The following ZNF236 variants were observed in gnomAD, a reference collection of about 807,000 sequenced individuals.
ZNF236 encodes zinc finger protein 236, also known as regulated by glucose.
A neutral mutation model predicts 191.2 loss-of-function variants in ZNF236; 50 were observed. The observed-to-expected ratio is 0.26, with a 90% CI of 0.21 to 0.33. ZNF236 has a LOEUF of 0.33. Among genes scored for constraint, ZNF236 ranks in the 10% least tolerant of loss-of-function variants. ZNF236 has a pLI of 1.00. For missense variants in ZNF236, 1,754 were observed against 2,374.5 expected (o/e 0.74, Z 5.43); for synonymous variants, 907 against 928.8 (o/e 0.98, Z 0.43).
intron 25 of ZNF236, among the ~76,000 whole-genome samples, chr18:76,928,940 C>T (rs962994908): frequency 6.0e-5 from 9 of 150,666 alleles, no homozygotes; most frequent in Non-Finnish European, 1.2e-4. Context: ...AGACTCGTAA[C>T]CTGATGATGA....
intron 11 of ZNF236, among the ~76,000 whole-genome samples, chr18:76,902,519 A>G (rs989387055): frequency 6.6e-6 from 1 of 152,112 alleles, no homozygotes; most frequent in African/African-American, 2.4e-5. Context: ...TGCATGTCTC[A>G]GCATGTGTAG....
At chr18:76,896,450 A>G (rs1977415634) in intron 10 of ZNF236, among the ~76,000 whole-genome samples, 1 of 150,646 alleles carries the variant, frequency 6.6e-6, no homozygotes, top group African/African-American at 2.4e-5. Flanking sequence ...AAATACAGGT[A>G]CCACACACAG....
rs765085420 is a variant in ZNF236, at chr18:76,895,058, A to G, written c.1463A>G (p.Tyr488Cys). ...ENGVRWHVCP[Y>C]CAKEFRKPSD... ...GGCGTGCGCTGGCATGTGTGTCCCT[A>G]CTGCGCCAAGGAGTTCCGCAAGCCC... Residue 488 changes from tyrosine to cysteine, a missense_variant, in exon 10 of 31, where the codon TAC becomes TGC. By Grantham distance (194) the Tyr-to-Cys change is radical. This residue lies in a region of ZNF236 where 126 missense variants were observed against 110.9 expected (regional missense o/e 1.14). Coordinates refer to ENST00000320610, the MANE Select transcript of ZNF236 (RefSeq NM_001306089.2). 2.5e-6 allele frequency: 4 copies of G among 1,611,620 alleles called. No homozygotes were observed. Among genetic ancestry groups the G allele is most frequent in the South Asian group, 1.1e-5 (1 of 91,086 alleles).
intron 9 of ZNF236, among the ~76,000 whole-genome samples, chr18:76,884,695 C>T (rs993987335): frequency 2.6e-5 from 4 of 152,150 alleles, no homozygotes; most frequent in Admixed American, 6.5e-5. Context: ...TTTCAGTCCA[C>T]GGGCTCCAGG....
At chr18:76,904,984 A>C (rs1016568994) in intron 12 of ZNF236, among the ~76,000 whole-genome samples, 171 bp from the exon 13 acceptor site, 1 of 152,158 alleles carries the variant, frequency 6.6e-6, no homozygotes, top group Non-Finnish European at 1.5e-5. Flanking sequence ...TCGCTTAAGC[A>C]CTCTGAGTCT....
intron 11 of ZNF236, among the ~76,000 whole-genome samples, chr18:76,900,827 T>A (rs1340113832): frequency 1.3e-5 from 2 of 152,206 alleles, no homozygotes; most frequent in Non-Finnish European, 2.9e-5. Context: ...CTTTTTGTCA[T>A]CAGGGATTGG....
chr18:76,836,580 A>G (rs572415263), intron 1 of ZNF236, among the ~76,000 whole-genome samples: 38 of 149,540 alleles, frequency 2.5e-4, no homozygotes, highest in Non-Finnish European at 4.5e-4. Flanking sequence ...TTTATTTATT[A>G]TTATTATTAT....
At chr18:76,874,336 AG>A (rs1171816960) in intron 5 of ZNF236, among the ~76,000 whole-genome samples, 33 of 152,240 alleles carry the variant, frequency 2.2e-4, no homozygotes, top group Non-Finnish European at 1.5e-5. Flanking sequence ...TCTGTTTCTT[AG>A]GGAGTGAAAA....
rs372322884 is a variant in ZNF236, at chr18:76,884,224, A to AC, written c.1417+2716dup. On this transcript the variant is annotated intron_variant, in intron 9 of 30. Coordinates refer to ENST00000320610, the MANE Select transcript of ZNF236 (RefSeq NM_001306089.2). ...AGACCAGCCTGGACAACATGGTGAA[A>AC]CCCCGTCTCTATTAAAAATACAAAA... 8.4e-4 allele frequency among the ~76,000 whole-genome samples: 128 copies of AC among 151,840 alleles called. 1 individual carries two copies. Among genetic ancestry groups the AC allele is most frequent in the South Asian group, 6.0e-3 (29 of 4,796 alleles).
At chr18:76,829,144 T>C (rs1253287635) in intron 1 of ZNF236, among the ~76,000 whole-genome samples, 1 of 152,210 alleles carries the variant, frequency 6.6e-6, no homozygotes, top group African/African-American at 2.4e-5. Context: ...CGGAATGCTT[T>C]TTATATTTCA....
chr18:76,947,432 C>T, intron 26 of ZNF236, 89 bp from the exon 27 acceptor site: 1 of 1,470,206 alleles, frequency 6.8e-7, no homozygotes, highest in Non-Finnish European at 9.1e-7. Flanking sequence ...AGCTTGTTTT[C>T]CAAGGTAGCT....
At chr18:76,853,856 CA>C (rs1473967807) in intron 3 of ZNF236, among the ~76,000 whole-genome samples, 1 of 151,680 alleles carries the variant, frequency 6.6e-6, no homozygotes, top group Non-Finnish European at 1.5e-5. Flanking sequence ...ATTAAAAATA[CA>C]AAAATTAGCC....
chr18:76,845,119 A>C (rs1411187756), intron 1 of ZNF236, among the ~76,000 whole-genome samples: 4 of 152,342 alleles, frequency 2.6e-5, no homozygotes, highest in African/African-American at 7.2e-5. Flanking sequence ...CCTTAAACTG[A>C]TTTTGAAACT....
At chr18:76,942,430 AGAT>A (rs968094106) in intron 26 of ZNF236, among the ~76,000 whole-genome samples, 8 of 152,312 alleles carry the variant, frequency 5.3e-5, no homozygotes, top group African/African-American at 1.9e-4. Context: ...AATCCATGAA[AGAT>A]GATGTTCCTA....
intron 2 of ZNF236, among the ~76,000 whole-genome samples, chr18:76,850,444 A>G (rs1975825351): frequency 6.6e-6 from 1 of 152,194 alleles, no homozygotes; most frequent in Non-Finnish European, 1.5e-5. Context: ...GAAGATACTG[A>G]CTTATTCCTC....
At chr18:76,940,724 G>A (rs1433295622) in intron 26 of ZNF236, among the ~76,000 whole-genome samples, 1 of 152,162 alleles carries the variant, frequency 6.6e-6, no homozygotes, top group African/African-American at 2.4e-5. Context: ...GTATTGTCTA[G>A]GTTGTATTTT....
At chr18:76,853,710 T>C (rs113671342) in intron 3 of ZNF236, among the ~76,000 whole-genome samples, 6 of 151,890 alleles carry the variant, frequency 4.0e-5, no homozygotes, top group Middle Eastern at 3.4e-3. Context: ...AAGAATACAT[T>C]GTATGTTTGA....
chr18:76,872,592 G>A (rs1670605173), intron 5 of ZNF236, among the ~76,000 whole-genome samples: 1 of 152,138 alleles, frequency 6.6e-6, no homozygotes, highest in Non-Finnish European at 1.5e-5. Flanking sequence ...ATTTCTCCAT[G>A]CCTTATCTTG....
intron 1 of ZNF236, among the ~76,000 whole-genome samples, chr18:76,830,499 A>G (rs1419482624): frequency 6.6e-6 from 1 of 152,066 alleles, no homozygotes; most frequent in Non-Finnish European, 1.5e-5. Flanking sequence ...ATGAGCGTGC[A>G]TTTGTTCCGC....
Sources: allele counts gnomAD v4.1 joint callset (sites outside exome capture counted in the v4.1 genomes callset), GRCh38; gene constraint gnomAD v4.1.1; regional missense constraint gnomAD v4.1.1; transcripts MANE v1.5; gene names NCBI Gene and HGNC (gene_info 2026-07-23, HGNC 2026-07-21).